Variants in PDXK observed in about 807,000 individuals in gnomAD.
PDXK encodes the protein pyridoxal kinase.
PDXK carries 15 observed loss-of-function variants against 43.2 expected under a neutral mutation model. The ratio of observed to expected loss-of-function variants is 0.35; its 90% CI spans 0.23 to 0.53. The LOEUF is 0.53. Ranked by LOEUF, PDXK falls within the 20% of genes least tolerant of loss-of-function variation. The probability of loss-of-function intolerance (pLI) is 0.92; values close to 1 mark genes in which losing one functional copy is unlikely to be tolerated. For missense variants in PDXK, 343 were observed against 417.0 expected (o/e 0.82, Z 1.54); for synonymous variants, 172 against 165.4 (o/e 1.04, Z -0.31).
intron 4 of PDXK, among the ~76,000 whole-genome samples, chr21:43,744,125 C>T (rs577215945): frequency 6.6e-6 from 1 of 151,922 alleles, no homozygotes; most frequent in East Asian, 1.9e-4. Flanking sequence ...TGACTACACT[C>T]ACCCTAAAGG....
intron 7 of PDXK, 51 bp from the exon 8 acceptor site, chr21:43,752,467 C>A: frequency 7.9e-7 from 1 of 1,259,314 alleles, no homozygotes; most frequent in Non-Finnish European, 1.1e-6. Context: ...TGTGACCAGC[C>A]GTGGCTGACA....
rs1188368468 is a variant in PDXK, at chr21:43,735,594, G to A, written c.142+1471G>A. On this transcript the variant is annotated intron_variant, in intron 2 of 10. Coordinates refer to ENST00000291565, the MANE Select transcript of PDXK (RefSeq NM_003681.5). The surrounding 1 kb of genome is among the most constrained non-coding windows in gnomAD (Gnocchi z 5.3). ...AGAGCCAGGCAGACAGCCTGGGGGT[G>A]TCCCTTCCCATGGGGTCCAGCCTGT... Among the ~76,000 whole-genome samples the A allele has an allele frequency of 6.6e-6, 1 of 152,194 alleles. No individual in the cohort carries two copies. The highest frequency in any genetic ancestry group is 1.5e-5 in the Non-Finnish European group (1 of 68,016).
At chr21:43,722,315 C>A (rs2083212560) in intron 1 of PDXK, among the ~76,000 whole-genome samples, 1 of 152,196 alleles carries the variant, frequency 6.6e-6, no homozygotes, top group South Asian at 2.1e-4. Flanking sequence ...GGAAAGCCTT[C>A]CTGGCTATCA....
At chr21:43,719,949 C>T (rs973206780) in intron 1 of PDXK, 3 of 984,276 alleles carry the variant, frequency 3.0e-6, no homozygotes, top group Admixed American at 1.2e-4. Flanking sequence ...AGGAGGTGGC[C>T]GAAGGGAAGA....
intron 1 of PDXK, among the ~76,000 whole-genome samples, chr21:43,726,543 TG>T (rs1161563246): frequency 6.6e-6 from 1 of 152,264 alleles, no homozygotes; most frequent in East Asian, 1.9e-4. Context: ...TCCAAAGTGC[TG>T]GGATTACGGC....
chr21:43,726,857 TGGTG>T (rs1304556962), intron 1 of PDXK, among the ~76,000 whole-genome samples: 4 of 151,718 alleles, frequency 2.6e-5, no homozygotes, highest in East Asian at 1.9e-4. Context: ...TGTGTGTACA[TGGTG>T]TGTGTGTATG....
chr21:43,749,265 C>G (rs891084021), intron 6 of PDXK, among the ~76,000 whole-genome samples, 185 bp downstream of exon 6: 3 of 152,104 alleles, frequency 2.0e-5, no homozygotes, highest in Non-Finnish European at 4.4e-5. Context: ...CCACCACGCC[C>G]GGCTAATTTT....
At chr21:43,753,450 C>G in intron 8 of PDXK, 133 bp from the exon 9 acceptor site, 1 of 824,532 alleles carries the variant, frequency 1.2e-6, no homozygotes, top group Middle Eastern at 2.8e-4. Flanking sequence ...GCCCCCACGT[C>G]CTGAGCAAGG....
rs1255750847 is a variant in PDXK, at chr21:43,758,248, G to C, written c.*2185G>C. On this transcript the variant is annotated 3_prime_UTR_variant, in exon 11 of 11. Coordinates refer to ENST00000291565, the MANE Select transcript of PDXK (RefSeq NM_003681.5). ...ACTTCCCTGTATTAAGCAAGAATTA[G>C]GAGAATGGCTGTCCCTGCAGGCGCC... is the stretch of plus-strand genomic sequence containing the variant. The C allele has an allele frequency of 6.5e-6, 1 of 153,740 alleles. No individual in the cohort carries two copies. The highest frequency in any genetic ancestry group is 1.9e-4 in the East Asian group (1 of 5,188). The allele number at this position is 153,740 out of a possible 1,614,324, so 9.5% of individuals were successfully genotyped here. A position where few individuals can be genotyped will look rare whatever the true frequency, so the allele number is the denominator to read the frequency against.
At chr21:43,748,930 C>T (rs989784787) in intron 5 of PDXK, 65 bp from the exon 6 acceptor site, 89 of 999,634 alleles carry the variant, frequency 8.9e-5, no homozygotes, top group Non-Finnish European at 1.2e-4. Flanking sequence ...GGCTTCCCTC[C>T]GCGCCCCCTG....
At position 43,741,655 on chromosome 21, in the gene PDXK, C is replaced by T. The variant is rs771370647; in HGVS notation, c.143-12C>T. On this transcript the variant is annotated splice_polypyrimidine_tract_variant and intron_variant, in intron 2 of 10. Transcript: ENST00000291565. ...CTTGTGTCTGAGCCCCCATGGCTTC[C>T]TCTGCCTCTAGGCTATGCCCACTGG... is the stretch of plus-strand genomic sequence containing the variant. 5 of 1,609,320 alleles carry T rather than the reference C, an allele frequency of 3.1e-6. No individual in the cohort carries two copies. The Admixed American group carries it at 6.7e-5, about 22-fold the overall frequency.
At chr21:43,750,671 T>G in intron 7 of PDXK, 126 bp downstream of exon 7, 1 of 666,640 alleles carries the variant, frequency 1.5e-6, no homozygotes, top group Non-Finnish European at 2.6e-6. Context: ...TCTGTACCAG[T>G]CGGGGCCTCC....
chr21:43,722,202 G>A (rs1306380365), intron 1 of PDXK, among the ~76,000 whole-genome samples: 2 of 152,130 alleles, frequency 1.3e-5, no homozygotes, highest in African/African-American at 4.8e-5. Context: ...GCGGCCATCT[G>A]CCCTTCCACA....
At chr21:43,727,628 T>A (rs540599112) in intron 1 of PDXK, among the ~76,000 whole-genome samples, 4 of 152,284 alleles carry the variant, frequency 2.6e-5, no homozygotes, top group Non-Finnish European at 4.4e-5. Context: ...AGCTGTGCAG[T>A]GCACACAGGT....
chr21:43,719,534 C>T lies in PDXK; in HGVS notation c.87+153C>T, dbSNP rs993952330. On this transcript the variant is annotated intron_variant, in intron 1 of 10. Transcript: ENST00000291565. Reference sequence around the variant, plus strand: ...TGGAGGCAGGCGCGGGATGAGCCTCCCGCTCTGCTTGGCTTGCGGGGGCGG... The same window carrying T: ...TGGAGGCAGGCGCGGGATGAGCCTCTCGCTCTGCTTGGCTTGCGGGGGCGG... 6 of 952,454 alleles carry T rather than the reference C, an allele frequency of 6.3e-6. No homozygotes were observed. The Admixed American group carries it at 1.8e-4, about 29-fold the overall frequency. 59.0% of individuals were successfully genotyped at this position (952,454 alleles called of 1,614,324 possible).
At position 43,755,694 on chromosome 21, in the gene PDXK, G is replaced by T. The variant is rs761824102; in HGVS notation, c.760-4G>T. The T allele has an allele frequency of 9.9e-6, 16 of 1,612,640 alleles. No homozygotes were observed. Among genetic ancestry groups the T allele is most frequent in the Non-Finnish European group, 1.3e-5 (15 of 1,178,784 alleles). On this transcript the variant is annotated splice_polypyrimidine_tract_variant and splice_region_variant and intron_variant, in intron 9 of 10. Transcript: ENST00000291565. ...GGGGCACAGCAAGTCTGTCCTCCCT[G>T]CAGGTGGCCTGTGAGAAGACCGTGT...
chr21:43,755,189 C>T (rs1568994683), intron 9 of PDXK, among the ~76,000 whole-genome samples: 1 of 150,140 alleles, frequency 6.7e-6, no homozygotes, highest in Admixed American at 6.6e-5. Context: ...TGAGGCATCA[C>T]TGAGTGATGA....
intron 5 of PDXK, among the ~76,000 whole-genome samples, chr21:43,747,676 A>T (rs2147289917): frequency 6.6e-6 from 1 of 152,302 alleles, no homozygotes; most frequent in Middle Eastern, 3.4e-3. Context: ...CCCTCGGCAG[A>T]CACTTGCGTT....
intron 2 of PDXK, chr21:43,738,104 C>T (rs1258242241): frequency 5.3e-6 from 5 of 943,156 alleles, no homozygotes; most frequent in Non-Finnish European, 6.3e-6. Flanking sequence ...CATGTTGCAG[C>T]CTTAACCCCA....
Sources: gnomAD v4.1 joint callset for allele counts (sites outside exome capture counted in the v4.1 genomes callset) on GRCh38, gnomAD v4.1.1 for gene constraint, Gnocchi (gnomAD v3.1) non-coding constraint, MANE v1.5 for transcripts, NCBI Gene and HGNC (gene_info 2026-07-23, HGNC 2026-07-21) for gene names.